Variants in DLG2 observed in about 807,000 individuals in gnomAD.
DLG2 encodes the protein disks large homolog 2.
In DLG2, 45 loss-of-function variants were observed where a neutral mutation model predicts 132.5. That is an observed-to-expected ratio of 0.34 (90% confidence interval 0.27 to 0.44). The LOEUF (loss-of-function observed/expected upper bound fraction) is 0.44, where lower values mean the gene tolerates loss of function less well. Ranked by LOEUF, DLG2 falls within the 20% of genes least tolerant of loss-of-function variation. The probability of loss-of-function intolerance (pLI) is 1.00; values close to 1 mark genes in which losing one functional copy is unlikely to be tolerated. For synonymous variants in DLG2, 424 were observed against 419.6 expected, an observed-to-expected ratio of 1.01 and a Z score of -0.13; for missense variants, 1,045 against 1,196.9, an observed-to-expected ratio of 0.87 and a Z score of 1.87.
In DLG2 at chr11:85,241,377, A is replaced by T. The variant is rs1172592638; in HGVS notation, c.186+43843T>A. Among the ~76,000 whole-genome samples, 4 of 151,856 alleles carry T rather than the reference A, an allele frequency of 2.6e-5. No individual in the cohort carries two copies. The South Asian group carries it at 6.2e-4, about 24-fold the overall frequency. On this transcript the variant is annotated intron_variant, in intron 4 of 27. Transcript: ENST00000376104. Reference sequence around the variant, plus strand: ...TTATTTTCCAATCCTTTGACTTTTAATTTCTTTTTTCTTGTTTTACAACAT... The same window carrying T: ...TTATTTTCCAATCCTTTGACTTTTATTTTCTTTTTTCTTGTTTTACAACAT...
At chr11:84,648,953 C>T (rs1424939552) in intron 6 of DLG2, among the ~76,000 whole-genome samples, 2 of 152,118 alleles carry the variant, frequency 1.3e-5, no homozygotes, top group Admixed American at 6.6e-5. Flanking sequence ...GACAGTGCCA[C>T]AGTGCCTCAT....
chr11:85,399,829 T>G (rs2087856837), intron 3 of DLG2, among the ~76,000 whole-genome samples: 2 of 152,074 alleles, frequency 1.3e-5, no homozygotes, highest in African/African-American at 2.4e-5. Flanking sequence ...ATAAAAACCC[T>G]AGAAGAAAAC....
At chr11:84,781,183 A>C (rs890319589) in intron 6 of DLG2, among the ~76,000 whole-genome samples, 2 of 152,024 alleles carry the variant, frequency 1.3e-5, no homozygotes, top group African/African-American at 4.8e-5. Flanking sequence ...TTTTGAATGT[A>C]AGTTAGTGTC....
rs147264207 is a variant in DLG2 at position 84,649,137 on chromosome 11, G to A, written c.358-114406C>T. On this transcript the variant is annotated intron_variant, in intron 6 of 27. Coordinates refer to ENST00000376104, the MANE Select transcript of DLG2 (RefSeq NM_001142699.3). ...TGAATTGGGGCCATTTTTCTTTGCA[G>A]GTTTGTTCTTTGTTTTCTTCCTGGA... is the stretch of plus-strand genomic sequence containing the variant. 1.6e-4 allele frequency among the ~76,000 whole-genome samples: 24 copies of A among 152,194 alleles called. No individual in the cohort carries two copies. The East Asian group carries it at 4.6e-3, about 29-fold the overall frequency.
At chr11:83,497,919 A>G (rs760648102) in intron 21 of DLG2, among the ~76,000 whole-genome samples, 3 of 152,086 alleles carry the variant, frequency 2.0e-5, no homozygotes, top group Non-Finnish European at 4.4e-5. Flanking sequence ...TTATTAAAAA[A>G]AAAACAACAA....
At chr11:84,432,636 G>A (rs2098988055) in intron 7 of DLG2, among the ~76,000 whole-genome samples, 1 of 152,164 alleles carries the variant, frequency 6.6e-6, no homozygotes, top group Non-Finnish European at 1.5e-5. Context: ...GCCAGCAAAT[G>A]TATTACTAGT....
At chr11:83,576,230 C>T (rs570521475) in intron 19 of DLG2, among the ~76,000 whole-genome samples, 3 of 152,040 alleles carry the variant, frequency 2.0e-5, no homozygotes, top group South Asian at 2.1e-4. Flanking sequence ...CCAAACTAAC[C>T]GTGAAAAAAT....
intron 8 of DLG2, among the ~76,000 whole-genome samples, chr11:84,169,441 A>G (rs2095760232): frequency 1.3e-5 from 2 of 152,244 alleles, no homozygotes; most frequent in African/African-American, 4.8e-5. Flanking sequence ...TTAAGCAAAC[A>G]AACTTGTCTT....
chr11:83,999,947 C>A (rs1489953058), intron 11 of DLG2, among the ~76,000 whole-genome samples: 2 of 36,418 alleles, frequency 5.5e-5, no homozygotes, highest in Admixed American at 3.8e-4. Context: ...TGTAGTGACA[C>A]TGGAAACATT....
intron 5 of DLG2, among the ~76,000 whole-genome samples, chr11:85,151,870 G>A (rs953055828): frequency 6.6e-6 from 1 of 152,142 alleles, no homozygotes; most frequent in Non-Finnish European, 1.5e-5. Context: ...GCTATTTAGT[G>A]TCTCGGAACT....
chr11:85,480,331 G>A (rs1226536599), intron 3 of DLG2, among the ~76,000 whole-genome samples: 1 of 151,924 alleles, frequency 6.6e-6, no homozygotes, highest in Non-Finnish European at 1.5e-5. Context: ...AACAAAATAT[G>A]GAAATATCCT....
chr11:84,972,132 TC>T (rs2154115031), intron 6 of DLG2, among the ~76,000 whole-genome samples: 1 of 152,254 alleles, frequency 6.6e-6, no homozygotes, highest in Non-Finnish European at 1.5e-5. Context: ...CTCTAATCAA[TC>T]ATTTTCTAAA....
intron 3 of DLG2, among the ~76,000 whole-genome samples, chr11:85,510,983 C>A (rs2094052265): frequency 6.6e-6 from 1 of 152,080 alleles, no homozygotes; most frequent in Non-Finnish European, 1.5e-5. Flanking sequence ...AAGTGTCCAT[C>A]AATGATAGAC....
chr11:84,456,539 T>C (rs1463070999), intron 7 of DLG2, among the ~76,000 whole-genome samples: 1 of 151,288 alleles, frequency 6.6e-6, no homozygotes, highest in African/African-American at 2.4e-5. Flanking sequence ...GCTTTGGTCC[T>C]TGGGCTTTAA....
chr11:84,732,020 T>C (rs960919597), intron 6 of DLG2, among the ~76,000 whole-genome samples: 2 of 152,070 alleles, frequency 1.3e-5, no homozygotes, highest in Non-Finnish European at 2.9e-5. Context: ...GAGGTTTATA[T>C]AAATGAAATC....
At chr11:85,376,094 C>G (rs2085380582) in intron 3 of DLG2, among the ~76,000 whole-genome samples, 1 of 152,078 alleles carries the variant, frequency 6.6e-6, no homozygotes, top group African/African-American at 2.4e-5. Context: ...GGCACTATAC[C>G]AGACAGTCTA....
chr11:84,653,150 C>T (rs1039083205), intron 6 of DLG2, among the ~76,000 whole-genome samples: 39 of 151,858 alleles, frequency 2.6e-4, no homozygotes, highest in Non-Finnish European at 4.7e-4. Context: ...GACTGGTCTC[C>T]CACTCCTGAC....
At chr11:84,982,481 A>T (rs2055897763) in intron 6 of DLG2, among the ~76,000 whole-genome samples, 1 of 152,128 alleles carries the variant, frequency 6.6e-6, no homozygotes, top group Non-Finnish European at 1.5e-5. Context: ...CAGTTTATAT[A>T]TATTTTCTTA....
chr11:84,844,034 T>A (rs1243848850), intron 6 of DLG2, among the ~76,000 whole-genome samples: 3 of 146,932 alleles, frequency 2.0e-5, no homozygotes, highest in Non-Finnish European at 3.0e-5. Flanking sequence ...TTTATGTATA[T>A]GTACGTCTGT....
Sources: gnomAD v4.1 joint callset for allele counts (sites outside exome capture counted in the v4.1 genomes callset) on GRCh38, gnomAD v4.1.1 for gene constraint, MANE v1.5 for transcripts, NCBI Gene and HGNC (gene_info 2026-07-23, HGNC 2026-07-21) for gene names.